Variants in PCDH11X observed in about 807,000 individuals in gnomAD.
PCDH11X encodes protocadherin 11 X-linked.
PCDH11X carries 18 observed loss-of-function variants against 53.3 expected under a neutral mutation model. The observed-to-expected ratio is 0.34, with a 90% confidence interval of 0.23 to 0.50. The LOEUF (loss-of-function observed/expected upper bound fraction) is 0.50, where lower values mean the gene tolerates loss of function less well. Among genes scored for constraint, PCDH11X ranks in the 20% least tolerant of loss-of-function variants. The pLI, the probability that PCDH11X is intolerant of heterozygous loss-of-function variation, is 0.98. For missense variants in PCDH11X, 570 were observed against 1,032.4 expected (o/e 0.55, Z 6.14); for synonymous variants, 279 against 393.3 (o/e 0.71, Z 3.44).
At chrX:92,429,588 T>C (rs2148623536) in intron 9 of PCDH11X, among the ~76,000 whole-genome samples, 1 of 104,665 alleles carries the variant, frequency 9.6e-6, no homozygotes, top group East Asian at 3.1e-4. Context: ...TGCTGTGCCT[T>C]ATGAGGGGAA....
At chrX:91,847,835 C>A (rs1338462494) in intron 5 of PCDH11X, among the ~76,000 whole-genome samples, 4 of 111,929 alleles carry the variant, frequency 3.6e-5, no homozygotes, top group African/African-American at 1.3e-4. Flanking sequence ...AAAAAACAGA[C>A]ATGGAAAACA....
chrX:92,211,788 G>A (rs2066591035), intron 7 of PCDH11X, among the ~76,000 whole-genome samples: 1 of 111,144 alleles, frequency 9.0e-6, no homozygotes, highest in African/African-American at 3.3e-5. Context: ...GTCACACACC[G>A]ATTTGAGTTT....
intron 8 of PCDH11X, among the ~76,000 whole-genome samples, chrX:92,273,271 G>C (rs998700177): frequency 9.1e-6 from 1 of 110,495 alleles, no homozygotes; most frequent in African/African-American, 3.3e-5. Context: ...GTTCTCTGGT[G>C]GGCAGGGGCG....
chrX:92,293,541 G>A (rs1257099709), intron 8 of PCDH11X, among the ~76,000 whole-genome samples: 2 of 107,171 alleles, frequency 1.9e-5, no homozygotes, highest in Non-Finnish European at 3.8e-5. Flanking sequence ...GGAGAATGGA[G>A]TGAACCAGGA....
chrX:92,308,508 A>C (rs1395536107), intron 8 of PCDH11X, among the ~76,000 whole-genome samples: 9 of 110,903 alleles, frequency 8.1e-5, no homozygotes, highest in Non-Finnish European at 1.7e-4. Flanking sequence ...TTCAAAATGA[A>C]TCAATGACCT....
chrX:92,611,342 CTT>C (rs57553012), intron 10 of PCDH11X, among the ~76,000 whole-genome samples: 4 of 100,930 alleles, frequency 4.0e-5, no homozygotes, highest in Admixed American at 1.1e-4. Context: ...TTATTCCTAG[CTT>C]TTTTTTTTTG....
intron 8 of PCDH11X, among the ~76,000 whole-genome samples, chrX:92,356,025 G>T (rs1404747968): frequency 1.8e-5 from 2 of 111,657 alleles, no homozygotes; most frequent in African/African-American, 6.5e-5. Flanking sequence ...AGAGTGAATA[G>T]ATCACCAGAA....
At chrX:92,324,150 A>G (rs1261026943) in intron 8 of PCDH11X, among the ~76,000 whole-genome samples, 1 of 105,358 alleles carries the variant, frequency 9.5e-6, no homozygotes, top group Non-Finnish European at 2.0e-5. Flanking sequence ...ATCCTCTCAT[A>G]TCCTTTTTTA....
chrX:92,608,521 T>G (rs754447597), intron 10 of PCDH11X, among the ~76,000 whole-genome samples: 2 of 110,680 alleles, frequency 1.8e-5, no homozygotes, highest in South Asian at 3.8e-4. Context: ...TATTCTTATC[T>G]TTTTAAATAT....
chrX:92,613,393 CTTGTTT>C (rs916731482), intron 10 of PCDH11X, among the ~76,000 whole-genome samples: 9 of 110,747 alleles, frequency 8.1e-5, no homozygotes, highest in African/African-American at 3.0e-4. Flanking sequence ...GTTGGAATTT[CTTGTTT>C]TTAAGAATAT....
chrX:92,616,751 A>C (rs1196016382), intron 10 of PCDH11X, among the ~76,000 whole-genome samples: 1 of 108,581 alleles, frequency 9.2e-6, no homozygotes, highest in Non-Finnish European at 1.9e-5. Context: ...CAGCTTGTTG[A>C]TATCTGCAAA....
At chrX:92,192,402 G>A (rs2066208853) in intron 6 of PCDH11X, among the ~76,000 whole-genome samples, 1 of 111,928 alleles carries the variant, frequency 8.9e-6, no homozygotes, top group Non-Finnish European at 1.9e-5. Flanking sequence ...CAGTGCAGTG[G>A]TGTGATCTCG....
chrX:92,358,992 T>G (rs2070282507), intron 8 of PCDH11X, among the ~76,000 whole-genome samples: 1 of 108,847 alleles, frequency 9.2e-6, no homozygotes, highest in Admixed American at 1.0e-4. Context: ...CAGAAGGCAG[T>G]ATCTATAGTG....
chrX:92,546,376 A>G (rs1052565360), intron 10 of PCDH11X, among the ~76,000 whole-genome samples: 2 of 111,802 alleles, frequency 1.8e-5, no homozygotes, highest in African/African-American at 6.5e-5. Context: ...TTTAAAGTAC[A>G]AATAATGTTA....
intron 6 of PCDH11X, among the ~76,000 whole-genome samples, chrX:92,100,208 C>T (rs2064213710): frequency 9.0e-6 from 1 of 111,288 alleles, no homozygotes; most frequent in African/African-American, 3.3e-5. Context: ...TTCTTCCAAG[C>T]TTGTCACTAT....
intron 9 of PCDH11X, among the ~76,000 whole-genome samples, chrX:92,443,580 C>A (rs1251948356): frequency 9.1e-6 from 1 of 110,192 alleles, no homozygotes; most frequent in East Asian, 2.9e-4. Flanking sequence ...TTTGAGAATG[C>A]AGCCATAAAT....
chrX:92,304,980 T>G (rs2068795230), intron 8 of PCDH11X, among the ~76,000 whole-genome samples: 1 of 110,954 alleles, frequency 9.0e-6, no homozygotes, highest in Non-Finnish European at 1.9e-5. Flanking sequence ...ATTTTTTTTT[T>G]GCTGTATCCC....
At chrX:91,795,453 A>T (rs1776371307) in intron 1 of PCDH11X, among the ~76,000 whole-genome samples, 1 of 110,855 alleles carries the variant, frequency 9.0e-6, no homozygotes, top group Non-Finnish European at 1.9e-5. Flanking sequence ...ATATAGCCCA[A>T]AATAGTCCAG....
chrX:92,607,926 A>T (rs1213441094), intron 10 of PCDH11X, among the ~76,000 whole-genome samples: 2 of 111,356 alleles, frequency 1.8e-5, no homozygotes, highest in Admixed American at 9.6e-5. Flanking sequence ...TGTGCAAAAA[A>T]TATAGAACAT....
Sources: gnomAD v4.1 joint callset for allele counts (sites outside exome capture counted in the v4.1 genomes callset) on GRCh38, gnomAD v4.1.1 for gene constraint, MANE v1.5 for transcripts, NCBI Gene and HGNC (gene_info 2026-07-23, HGNC 2026-07-21) for gene names.